Variants in MYO16 observed in about 807,000 individuals in gnomAD.
The protein encoded by MYO16 is unconventional myosin-XVI.
MYO16 carries 94 observed loss-of-function variants against 205.3 expected under a neutral mutation model. The ratio of observed to expected loss-of-function variants is 0.46; its 90% CI spans 0.39 to 0.54. The LOEUF is 0.54. MYO16 is among the 20% of genes least tolerant of loss of function. MYO16 has a pLI of 0.00. For missense variants in MYO16, 2,315 were observed against 2,387.5 expected (o/e 0.97, Z 0.63); for synonymous variants, 988 against 954.0 (o/e 1.04, Z -0.66).
At chr13:109,043,513 GA>G (rs1259539699) in intron 23 of MYO16, among the ~76,000 whole-genome samples, 3 of 152,192 alleles carry the variant, frequency 2.0e-5, no homozygotes, top group African/African-American at 7.2e-5. Context: ...GACAGAGTCA[GA>G]GGTTCTGAAC....
chr13:108,636,692 T>C (rs1880268865), intron 1 of MYO16, among the ~76,000 whole-genome samples: 1 of 152,134 alleles, frequency 6.6e-6, no homozygotes, highest in Admixed American at 6.6e-5. Context: ...GTTGTTTTTA[T>C]TTTTGTTTTG....
chr13:108,613,075 G>A (rs1030875454), intron 1 of MYO16, among the ~76,000 whole-genome samples: 1 of 152,092 alleles, frequency 6.6e-6, no homozygotes, highest in Non-Finnish European at 1.5e-5. Flanking sequence ...TTTATGGCTT[G>A]GAAAGATGGG....
chr13:108,613,146 C>T (rs1431033928), intron 1 of MYO16, among the ~76,000 whole-genome samples: 1 of 151,964 alleles, frequency 6.6e-6, no homozygotes, highest in East Asian at 1.9e-4. Context: ...CTTAAGAGGG[C>T]TAAAGTTTAA....
chr13:108,807,382 AATC>A (rs962794825), intron 7 of MYO16, among the ~76,000 whole-genome samples: 44 of 152,180 alleles, frequency 2.9e-4, no homozygotes, highest in African/African-American at 9.7e-4. Flanking sequence ...TTAGAAAAAA[AATC>A]ATATTGCGTG....
At chr13:108,690,237 A>G (rs1006222426) in intron 2 of MYO16, among the ~76,000 whole-genome samples, 14 of 151,888 alleles carry the variant, frequency 9.2e-5, no homozygotes, top group African/African-American at 3.4e-4. Flanking sequence ...CTGAACAGCC[A>G]TCCTTTATTC....
At chr13:108,566,817 C>T in the MYO16 span, among the ~76,000 whole-genome samples, 2 of 151,596 alleles carry the variant, frequency 1.3e-5, no homozygotes, top group East Asian at 1.9e-4. Context: ...GGGTGTTTAA[C>T]TTTTGATAAG....
intron 23 of MYO16, among the ~76,000 whole-genome samples, chr13:109,022,679 CATAT>C (rs1566466632): frequency 3.7e-5 from 2 of 54,148 alleles, no homozygotes; most frequent in African/African-American, 1.1e-4. Context: ...TATATATACA[CATAT>C]AAACATGTAT....
At chr13:109,060,482 C>T (rs533494193) in intron 27 of MYO16, among the ~76,000 whole-genome samples, 5 of 135,762 alleles carry the variant, frequency 3.7e-5, no homozygotes, top group African/African-American at 1.4e-4. Context: ...TGGGGCCTGT[C>T]GGGGGCTGGG....
chr13:108,966,924 G>C (rs1412745968), intron 20 of MYO16, among the ~76,000 whole-genome samples: 1 of 151,976 alleles, frequency 6.6e-6, no homozygotes, highest in Non-Finnish European at 1.5e-5. Flanking sequence ...CTGTGTTTTT[G>C]AAATGTTGTA....
chr13:108,915,579 A>G (rs1010245066), intron 16 of MYO16, among the ~76,000 whole-genome samples: 8 of 152,156 alleles, frequency 5.3e-5, no homozygotes, highest in Non-Finnish European at 1.0e-4. Context: ...TGGGGAACGA[A>G]TGTAATTTCT....
At chr13:109,088,885 G>C (rs1001317967) in intron 27 of MYO16, among the ~76,000 whole-genome samples, 1 of 152,190 alleles carries the variant, frequency 6.6e-6, no homozygotes, top group Non-Finnish European at 1.5e-5. Flanking sequence ...TCAGGAGGGC[G>C]GGCAGCCCCT....
At chr13:108,606,090 A>G (rs1878947573) in intron 1 of MYO16, among the ~76,000 whole-genome samples, 1 of 152,196 alleles carries the variant, frequency 6.6e-6, no homozygotes, top group Non-Finnish European at 1.5e-5. Flanking sequence ...GTGGAACTTG[A>G]ACTTGAGAGA....
chr13:108,847,528 A>G (rs1199248320), intron 10 of MYO16, among the ~76,000 whole-genome samples: 1 of 152,204 alleles, frequency 6.6e-6, no homozygotes, highest in Non-Finnish European at 1.5e-5. Flanking sequence ...ATAAAGCTCT[A>G]ATTAACATTT....
At chr13:108,771,657 C>T (rs1566596966) in intron 4 of MYO16, among the ~76,000 whole-genome samples, 1 of 152,140 alleles carries the variant, frequency 6.6e-6, no homozygotes, top group Admixed American at 6.5e-5. Flanking sequence ...GATCACCACC[C>T]GACCCATCTC....
At chr13:108,938,094 A>T (rs1443229997) in intron 16 of MYO16, among the ~76,000 whole-genome samples, 2 of 151,334 alleles carry the variant, frequency 1.3e-5, no homozygotes, top group African/African-American at 4.9e-5. Flanking sequence ...TATTATTATT[A>T]TTATTGTGTT....
At chr13:108,537,653 C>T in the MYO16 span, among the ~76,000 whole-genome samples, 2 of 151,988 alleles carry the variant, frequency 1.3e-5, no homozygotes, top group Admixed American at 6.6e-5. Flanking sequence ...GAATCCTCAC[C>T]AACATTTGTT....
intron 1 of MYO16, among the ~76,000 whole-genome samples, chr13:108,642,708 G>A (rs2038937): frequency 0.076 from 11,627 of 152,112 alleles, 803 homozygotes; most frequent in African/African-American, 0.17. Context: ...GTGAGCCACC[G>A]TGCCCGGCCT....
intron 1 of MYO16, among the ~76,000 whole-genome samples, chr13:108,623,803 G>A (rs10492424): frequency 0.036 from 5,465 of 152,160 alleles, 307 homozygotes; most frequent in African/African-American, 0.12. Context: ...CTCAAATAAC[G>A]AGTTACCTAC....
At chr13:108,629,977 A>C (rs1879902309) in intron 1 of MYO16, 105 bp downstream of exon 1, 1 of 890,832 alleles carries the variant, frequency 1.1e-6, no homozygotes, top group South Asian at 1.7e-5. Flanking sequence ...CCACATTCAG[A>C]TGAGTGACAT....
Sources: gnomAD v4.1 joint callset for allele counts (sites outside exome capture counted in the v4.1 genomes callset) on GRCh38, gnomAD v4.1.1 for gene constraint, MANE v1.5 for transcripts, NCBI Gene and HGNC (gene_info 2026-07-23, HGNC 2026-07-21) for gene names.